The following KIAA1549 variants were observed in gnomAD, a reference collection of about 807,000 sequenced individuals.
The protein encoded by KIAA1549 is KIAA1549, also known as UPF0606 protein KIAA1549.
Under a neutral mutation model 156.4 loss-of-function variants are expected in KIAA1549, and 70 were observed. That is an observed-to-expected ratio of 0.45 (90% CI 0.37 to 0.55). The LOEUF is 0.55. KIAA1549 is among the 20% of genes least tolerant of loss of function. KIAA1549 has a pLI of 0.00. For missense variants in KIAA1549, 2,428 were observed against 2,540.9 expected (o/e 0.96, Z 0.96); for synonymous variants, 1,103 against 1,066.4 (o/e 1.03, Z -0.67).
Position 138,932,013 on chromosome 7 carries a change from A to G in KIAA1549, c.188-12575T>C, listed in dbSNP as rs111769049. ...GTGTGTATGTGTGCAGGAGACATGA[A>G]GGCAGACAAGAGTGTCCCAACCCAC... On this transcript the variant is annotated intron_variant, in intron 1 of 19. Transcript: ENST00000422774. 2.0e-5 allele frequency among the ~76,000 whole-genome samples: 3 copies of G among 152,206 alleles called. 1 individual carries two copies. The highest frequency in any genetic ancestry group is 7.2e-5 in the African/African-American group (3 of 41,528).
At chr7:138,940,775 G>A (rs1813161168) in intron 1 of KIAA1549, among the ~76,000 whole-genome samples, 1 of 152,174 alleles carries the variant, frequency 6.6e-6, no homozygotes, top group Non-Finnish European at 1.5e-5. Flanking sequence ...GTGATGATGA[G>A]CATTTTTTCA....
intron 1 of KIAA1549, among the ~76,000 whole-genome samples, chr7:138,934,676 T>TA (rs1303754381): frequency 6.6e-6 from 1 of 152,142 alleles, no homozygotes; most frequent in Non-Finnish European, 1.5e-5. Flanking sequence ...TCTAACAAGA[T>TA]ACGTGGTCCC....
chr7:138,958,728 C>T (rs770614194), intron 1 of KIAA1549, among the ~76,000 whole-genome samples: 26 of 152,040 alleles, frequency 1.7e-4, no homozygotes, highest in Non-Finnish European at 2.4e-4. Context: ...CTAGCAACCC[C>T]GAACAGTAGA....
intron 1 of KIAA1549, among the ~76,000 whole-genome samples, chr7:138,964,037 T>C (rs1345280050): frequency 6.6e-6 from 1 of 152,230 alleles, no homozygotes; most frequent in East Asian, 1.9e-4. Context: ...AATGTTTAAT[T>C]TGCCGAAATA....
rs1337373792 is a variant in KIAA1549 at position 138,861,197 on chromosome 7, C to T, written c.5189G>A (p.Arg1730Gln). ...ANSTPSQEER[R>Q]ATQWGSFYSP... is the part of the protein sequence containing the mutation. ...GTAGAAGGACCCCCACTGGGTGGCT[C>T]GCCTCTCTTCCTGGGAAGGGGTGCT... Residue 1730 changes from arginine (R) to glutamine (Q), a missense_variant, in exon 16 of 20, where the codon CGA (arginine) becomes CAA (glutamine). Transcript: ENST00000422774. 3 of 1,613,742 alleles carry T rather than the reference C, an allele frequency of 1.9e-6. No individual in the cohort carries two copies. Among genetic ancestry groups the T allele is most frequent in the Admixed American group, 1.7e-5 (1 of 60,010 alleles).
intron 1 of KIAA1549, among the ~76,000 whole-genome samples, chr7:138,980,493 T>C (rs1283496159): frequency 1.3e-5 from 2 of 152,192 alleles, no homozygotes; most frequent in Non-Finnish European, 2.9e-5. Flanking sequence ...GTACTAATAA[T>C]GCCTTGCAGA....
intron 8 of KIAA1549, among the ~76,000 whole-genome samples, chr7:138,902,283 G>T (rs1811863617): frequency 2.6e-5 from 4 of 152,076 alleles, no homozygotes; most frequent in African/African-American, 9.7e-5. Context: ...GCAGTTCTAG[G>T]CAACACTTCC....
At chr7:138,958,039 A>C (rs1277528645) in intron 1 of KIAA1549, among the ~76,000 whole-genome samples, 1 of 152,170 alleles carries the variant, frequency 6.6e-6, no homozygotes. Context: ...CTACGTTTTG[A>C]ATTTTCCTTT....
intron 1 of KIAA1549, among the ~76,000 whole-genome samples, chr7:138,943,349 G>GC (rs1813240011): frequency 6.6e-6 from 1 of 152,196 alleles, no homozygotes; most frequent in African/African-American, 2.4e-5. Flanking sequence ...TGGGCTGTCT[G>GC]CCCCCAGCGC....
At chr7:138,940,847 CTTG>C (rs983868421) in intron 1 of KIAA1549, among the ~76,000 whole-genome samples, 2 of 152,184 alleles carry the variant, frequency 1.3e-5, no homozygotes, top group African/African-American at 4.8e-5. Context: ...CTTTCACCCA[CTTG>C]TTGATGGGGT....
chr7:138,954,754 C>T (rs1221459954), intron 1 of KIAA1549, among the ~76,000 whole-genome samples: 1 of 152,158 alleles, frequency 6.6e-6, no homozygotes, highest in Non-Finnish European at 1.5e-5. Context: ...CTGAAGCTTC[C>T]AGAGAAGGGT....
chr7:138,889,831 AG>A (rs1384606121), intron 10 of KIAA1549, among the ~76,000 whole-genome samples: 1 of 152,228 alleles, frequency 6.6e-6, no homozygotes, highest in Non-Finnish European at 1.5e-5. Flanking sequence ...GAAAACCTAG[AG>A]GGAACACTGC....
chr7:138,980,312 G>A (rs1814507718), intron 1 of KIAA1549, among the ~76,000 whole-genome samples: 2 of 152,210 alleles, frequency 1.3e-5, no homozygotes, highest in South Asian at 4.1e-4. Context: ...TTTTGGAGAA[G>A]CAATAGGAAT....
At chr7:138,879,708 A>C in intron 11 of KIAA1549, 55 bp from the exon 12 acceptor site, 1 of 1,168,802 alleles carries the variant, frequency 8.6e-7, no homozygotes, top group Non-Finnish European at 1.2e-6. Context: ...TGAAAAGGAA[A>C]AAGTCCCATT....
chr7:138,961,158 G>T (rs917794295), intron 1 of KIAA1549, among the ~76,000 whole-genome samples: 1 of 152,194 alleles, frequency 6.6e-6, no homozygotes, highest in African/African-American at 2.4e-5. Context: ...CACACACTGG[G>T]AGGTTAAAAC....
rs534057267 is a variant in KIAA1549 at position 138,944,297 on chromosome 7, C to T, written c.188-24859G>A. ...AAAGCCACATAATTGCCAAGAAGTACATCGAAGGATGCTTAATATCATTTG... is the reference window on the plus strand; with the variant it reads ...AAAGCCACATAATTGCCAAGAAGTATATCGAAGGATGCTTAATATCATTTG... On this transcript the variant is annotated intron_variant, in intron 1 of 19. Coordinates refer to ENST00000422774, the MANE Select transcript of KIAA1549 (RefSeq NM_001164665.2). Among the ~76,000 whole-genome samples the T allele has an allele frequency of 1.3e-3, 194 of 152,204 alleles. 3 individuals are homozygous for T. Among genetic ancestry groups the T allele is most frequent in the Admixed American group, 3.3e-3 (50 of 15,282 alleles).
At chr7:138,894,668 G>T in intron 9 of KIAA1549, 142 bp from the exon 10 acceptor site, 1 of 722,656 alleles carries the variant, frequency 1.4e-6, no homozygotes, top group Non-Finnish European at 2.3e-6. Flanking sequence ...CCTGATGACA[G>T]GAAATGTGAC....
intron 10 of KIAA1549, among the ~76,000 whole-genome samples, chr7:138,883,768 A>G (rs1363796967): frequency 6.6e-6 from 1 of 152,244 alleles, no homozygotes; most frequent in Admixed American, 6.5e-5. Flanking sequence ...GGTCTCCTCC[A>G]TGGAATGCCA....
chr7:138,944,796 A>C (rs1308762089), intron 1 of KIAA1549, among the ~76,000 whole-genome samples: 1 of 152,208 alleles, frequency 6.6e-6, no homozygotes, highest in African/African-American at 2.4e-5. Context: ...CAGACACACA[A>C]ACACATACTG....
Sources: allele counts gnomAD v4.1 joint callset (sites outside exome capture counted in the v4.1 genomes callset), GRCh38; gene constraint gnomAD v4.1.1; transcripts MANE v1.5; gene names NCBI Gene and HGNC (gene_info 2026-07-23, HGNC 2026-07-21).